Variants in AUTS2 observed in about 807,000 individuals in gnomAD.
AUTS2 encodes the protein autism susceptibility gene 2 protein.
AUTS2 carries 17 observed loss-of-function variants against 112.4 expected under a neutral mutation model. That is an observed-to-expected ratio of 0.15 (90% confidence interval 0.10 to 0.23). The LOEUF (loss-of-function observed/expected upper bound fraction) is 0.23, where lower values mean the gene tolerates loss of function less well. Ranked by LOEUF, AUTS2 falls within the 10% of genes least tolerant of loss-of-function variation. The pLI is 1.00. For synonymous variants in AUTS2, 751 were observed against 702.7 expected (o/e 1.07, Z -1.09); for missense variants, 1,510 against 1,701.6 (o/e 0.89, Z 1.98).
chr7:69,905,208 G>A (rs536529085), intron 2 of AUTS2, among the ~76,000 whole-genome samples: 77 of 152,248 alleles, frequency 5.1e-4, no homozygotes, highest in African/African-American at 1.8e-3. Context: ...TACATCTTTG[G>A]AATGTTATGA....
intron 2 of AUTS2, among the ~76,000 whole-genome samples, chr7:69,973,399 C>G (rs1797934133): frequency 6.6e-6 from 1 of 152,158 alleles, no homozygotes; most frequent in Non-Finnish European, 1.5e-5. Flanking sequence ...TTCTTCCTAT[C>G]TGATATCTAT....
At chr7:70,461,008 G>A (rs893523796) in intron 5 of AUTS2, among the ~76,000 whole-genome samples, 2 of 152,132 alleles carry the variant, frequency 1.3e-5, no homozygotes, top group African/African-American at 4.8e-5. Context: ...TGACAGATAA[G>A]TCTAGGAAGG....
chr7:69,751,593 G>A (rs1787739748), intron 1 of AUTS2, among the ~76,000 whole-genome samples: 1 of 152,180 alleles, frequency 6.6e-6, no homozygotes, highest in Non-Finnish European at 1.5e-5. Flanking sequence ...CTGAACTTCA[G>A]GCCTTTATTC....
intron 2 of AUTS2, among the ~76,000 whole-genome samples, chr7:69,929,943 A>G (rs1476369601): frequency 1.3e-5 from 2 of 152,172 alleles, no homozygotes; most frequent in Non-Finnish European, 2.9e-5. Flanking sequence ...TGGTATTTCT[A>G]TAAGTCGCCT....
chr7:69,884,266 A>G (rs1490020347), intron 1 of AUTS2, among the ~76,000 whole-genome samples: 1 of 152,232 alleles, frequency 6.6e-6, no homozygotes, highest in African/African-American at 2.4e-5. Flanking sequence ...AGCTTCTTAA[A>G]AAATGAGAGG....
intron 1 of AUTS2, among the ~76,000 whole-genome samples, chr7:69,647,808 C>T (rs1255359293): frequency 6.6e-6 from 1 of 152,220 alleles, no homozygotes; most frequent in Non-Finnish European, 1.5e-5. Flanking sequence ...GACCATGTTT[C>T]CTCTTAAGCC....
intron 6 of AUTS2, among the ~76,000 whole-genome samples, chr7:70,727,692 T>TA (rs1360810097): frequency 1.3e-5 from 2 of 152,200 alleles, no homozygotes; most frequent in Non-Finnish European, 2.9e-5. Context: ...AAATTTGTCT[T>TA]AAGATAAAAA....
chr7:70,262,264 A>G (rs1172533842), intron 4 of AUTS2, among the ~76,000 whole-genome samples: 1 of 152,050 alleles, frequency 6.6e-6, no homozygotes, highest in Non-Finnish European at 1.5e-5. Context: ...ATCTTGGCTC[A>G]CTGCAACCTC....
intron 4 of AUTS2, among the ~76,000 whole-genome samples, chr7:70,376,887 A>T (rs1434791391): frequency 6.6e-6 from 1 of 151,546 alleles, no homozygotes; most frequent in Non-Finnish European, 1.5e-5. Context: ...TGCATTTAAT[A>T]ATCATGCTCT....
chr7:70,354,383 G>C (rs1791897835), intron 4 of AUTS2, among the ~76,000 whole-genome samples: 2 of 152,300 alleles, frequency 1.3e-5, no homozygotes, highest in African/African-American at 4.8e-5. Flanking sequence ...TTCTTTACTT[G>C]AGATTGGTTT....
At chr7:69,842,372 T>G (rs1248000163) in intron 1 of AUTS2, among the ~76,000 whole-genome samples, 1 of 152,184 alleles carries the variant, frequency 6.6e-6, no homozygotes, top group Non-Finnish European at 1.5e-5. Context: ...GCACATACCT[T>G]AGGACATTGT....
At chr7:69,633,636 G>T (rs925269674) in intron 1 of AUTS2, among the ~76,000 whole-genome samples, 1 of 152,112 alleles carries the variant, frequency 6.6e-6, no homozygotes, top group Non-Finnish European at 1.5e-5. Flanking sequence ...TGTAAGAGCT[G>T]TCCTAATGGG....
At chr7:70,020,923 G>T (rs945794014) in intron 2 of AUTS2, among the ~76,000 whole-genome samples, 1 of 152,150 alleles carries the variant, frequency 6.6e-6, no homozygotes, top group African/African-American at 2.4e-5. Context: ...CTCCCACCTT[G>T]ATCTCCCAAA....
intron 5 of AUTS2, among the ~76,000 whole-genome samples, chr7:70,455,162 T>C (rs1204232438): frequency 6.6e-6 from 1 of 152,228 alleles, no homozygotes; most frequent in African/African-American, 2.4e-5. Context: ...TTCTCACTCC[T>C]GAATGTAATG....
intron 5 of AUTS2, among the ~76,000 whole-genome samples, chr7:70,448,785 T>C (rs17489220): frequency 0.014 from 2,146 of 152,126 alleles, 21 homozygotes; most frequent in Middle Eastern, 0.045. Context: ...TTAAGAAGAG[T>C]AGACATTGAG....
chr7:69,962,533 A>G (rs1293966471), intron 2 of AUTS2, among the ~76,000 whole-genome samples: 2 of 152,158 alleles, frequency 1.3e-5, no homozygotes, highest in African/African-American at 2.4e-5. Context: ...ATTCAGCTCT[A>G]TCTTTGTACT....
intron 2 of AUTS2, among the ~76,000 whole-genome samples, chr7:69,948,886 A>G (rs891180003): frequency 1.3e-5 from 2 of 151,588 alleles, no homozygotes; most frequent in Admixed American, 6.6e-5. Context: ...GCTCACTGCA[A>G]CCTCCACCTC....
chr7:70,633,353 C>G (rs1805367576), intron 5 of AUTS2, among the ~76,000 whole-genome samples: 1 of 152,170 alleles, frequency 6.6e-6, no homozygotes, highest in Admixed American at 6.5e-5. Flanking sequence ...TGCAGTGGCT[C>G]ACGCCTGTAA....
At chr7:69,772,435 A>C (rs1443936577) in intron 1 of AUTS2, among the ~76,000 whole-genome samples, 2 of 152,098 alleles carry the variant, frequency 1.3e-5, no homozygotes, top group African/African-American at 4.8e-5. Context: ...AGGGAACTTA[A>C]AGTCTTTTTG....
Sources: allele counts gnomAD v4.1 joint callset (sites outside exome capture counted in the v4.1 genomes callset), GRCh38; gene constraint gnomAD v4.1.1; transcripts MANE v1.5; gene names NCBI Gene and HGNC (gene_info 2026-07-23, HGNC 2026-07-21).